ZFAND3: variants seen among roughly 807,000 people sequenced by gnomAD.
ZFAND3 encodes zinc finger AN1-type containing 3.
ZFAND3 carries 10 observed loss-of-function variants against 29.6 expected under a neutral mutation model. The ratio of observed to expected loss-of-function variants is 0.34; its 90% confidence interval spans 0.21 to 0.57. The LOEUF (loss-of-function observed/expected upper bound fraction) is 0.57. Ranked by LOEUF, ZFAND3 falls within the 20% of genes least tolerant of loss-of-function variation. The pLI is 0.86. For synonymous variants in ZFAND3, 128 were observed against 112.6 expected, an observed-to-expected ratio of 1.14 and a Z score of -0.87; for missense variants, 230 against 304.5, an observed-to-expected ratio of 0.76 and a Z score of 1.82.
intron 5 of ZFAND3, among the ~76,000 whole-genome samples, chr6:38,149,716 T>C (rs1766183517): frequency 6.6e-6 from 1 of 152,160 alleles, no homozygotes; most frequent in South Asian, 2.1e-4. Flanking sequence ...GGGCCAGATG[T>C]AGCATTTCCC....
intron 2 of ZFAND3, among the ~76,000 whole-genome samples, chr6:38,059,975 G>A (rs1211984685): frequency 6.6e-6 from 1 of 152,154 alleles, no homozygotes; most frequent in African/African-American, 2.4e-5. Flanking sequence ...ATCGTCCCCT[G>A]TAGGAAATTT....
chr6:38,063,683 G>T (rs1021953110), intron 3 of ZFAND3, among the ~76,000 whole-genome samples: 7 of 152,158 alleles, frequency 4.6e-5, no homozygotes, highest in African/African-American at 2.4e-5. Context: ...CTGTCTTAGG[G>T]CCATTTGTGG....
chr6:38,040,133 G>A (rs1024551232), intron 2 of ZFAND3, among the ~76,000 whole-genome samples: 5 of 151,802 alleles, frequency 3.3e-5, no homozygotes, highest in Admixed American at 6.6e-5. Flanking sequence ...ACTTTTTTTC[G>A]TTGTCTGTAT....
rs1554166608 is a variant in ZFAND3, at chr6:38,006,677, T to TTTA, written c.113-54916_113-54915insTTA. Reference sequence around the variant, plus strand: ...AGGGTTTTTTTTTTTTTTTTTTTTTTAATTGATGGTTTTGGCTCAAGCTTT... The same window carrying TTTA: ...AGGGTTTTTTTTTTTTTTTTTTTTTTTTAAATTGATGGTTTTGGCTCAAGCTTT... On this transcript the variant is annotated intron_variant, in intron 2 of 5. Coordinates refer to ENST00000287218, the MANE Select transcript of ZFAND3 (RefSeq NM_021943.3). Among the ~76,000 whole-genome samples the TTTA allele has an allele frequency of 4.3e-5, 6 of 141,146 alleles. 2 individuals are homozygous for TTTA. Among genetic ancestry groups the TTTA allele is most frequent in the South Asian group, 2.2e-4 (1 of 4,486 alleles). The allele number at this position is 141,146 out of a possible 152,430, so 92.6% of individuals were successfully genotyped here.
At chr6:38,086,441 T>G (rs1292984319) in intron 4 of ZFAND3, among the ~76,000 whole-genome samples, 1 of 152,210 alleles carries the variant, frequency 6.6e-6, no homozygotes, top group Non-Finnish European at 1.5e-5. Flanking sequence ...TGCTTTTGGT[T>G]AGAATGTGTG....
intron 2 of ZFAND3, among the ~76,000 whole-genome samples, chr6:38,034,867 T>G (rs1228445746): frequency 1.3e-5 from 2 of 152,076 alleles, no homozygotes; most frequent in Non-Finnish European, 2.9e-5. Context: ...TCATACCACT[T>G]CCCAAAAAGG....
intron 2 of ZFAND3, among the ~76,000 whole-genome samples, chr6:37,957,432 C>G (rs1192628292): frequency 6.6e-6 from 1 of 151,698 alleles, no homozygotes; most frequent in African/African-American, 2.4e-5. Context: ...TGATAACCTG[C>G]TTTACAGTAG....
intron 2 of ZFAND3, among the ~76,000 whole-genome samples, chr6:37,933,002 T>C (rs1165855785): frequency 1.3e-5 from 2 of 152,232 alleles, no homozygotes; most frequent in Admixed American, 6.5e-5. Flanking sequence ...AAAGAGATCA[T>C]TGAACTTTAA....
chr6:37,935,830 T>A (rs1453121441), intron 2 of ZFAND3, among the ~76,000 whole-genome samples: 2 of 152,212 alleles, frequency 1.3e-5, no homozygotes, highest in Non-Finnish European at 2.9e-5. Flanking sequence ...TTTCTTGTGA[T>A]CTTTGTCAGT....
intron 4 of ZFAND3, among the ~76,000 whole-genome samples, chr6:38,098,667 A>AT (rs1029512489): frequency 1.9e-4 from 28 of 150,836 alleles, no homozygotes; most frequent in South Asian, 1.7e-3. Flanking sequence ...TGCCTGGCTA[A>AT]TTTTTTTTTA....
At chr6:38,019,714 A>G (rs1448691959) in intron 2 of ZFAND3, among the ~76,000 whole-genome samples, 1 of 152,082 alleles carries the variant, frequency 6.6e-6, no homozygotes, top group African/African-American at 2.4e-5. Context: ...TTAATATCAA[A>G]ACACCATTTT....
At chr6:38,138,854 C>A (rs905236093) in intron 5 of ZFAND3, among the ~76,000 whole-genome samples, 1 of 152,164 alleles carries the variant, frequency 6.6e-6, no homozygotes, top group African/African-American at 2.4e-5. Flanking sequence ...AGATTCCTAG[C>A]ATTATTCTAG....
intron 1 of ZFAND3, among the ~76,000 whole-genome samples, chr6:37,898,912 T>TA (rs1581744868): frequency 6.6e-6 from 1 of 152,146 alleles, no homozygotes; most frequent in East Asian, 1.9e-4. Flanking sequence ...TTTATTTATT[T>TA]TGAGACGGAG....
At chr6:38,071,445 A>G (rs1476955729) in intron 3 of ZFAND3, among the ~76,000 whole-genome samples, 2 of 152,100 alleles carry the variant, frequency 1.3e-5, no homozygotes, top group African/African-American at 4.8e-5. Flanking sequence ...ATAACCAGTT[A>G]TGCAAAAACC....
rs112956072 is a variant in ZFAND3, at chr6:38,083,430, G to A, written c.361+973G>A. Among the ~76,000 whole-genome samples the A allele has an allele frequency of 4.4e-4, 67 of 152,138 alleles. 1 individual carries two copies. Among genetic ancestry groups the A allele is most frequent in the African/African-American group, 8.4e-4 (35 of 41,510 alleles). On this transcript the variant is annotated intron_variant, in intron 4 of 5. Coordinates refer to ENST00000287218, the MANE Select transcript of ZFAND3 (RefSeq NM_021943.3). ...GCATGTTCTTATCCCTCTTGTGCCC[G>A]GTTCCCAAGCTCCACTAGGTAGAGT... is the stretch of plus-strand genomic sequence containing the variant.
At position 37,883,637 on chromosome 6, in the gene ZFAND3, G is replaced by A. The variant is rs544804885; in HGVS notation, c.72-46322G>A. On this transcript the variant is annotated intron_variant, in intron 1 of 5. Coordinates refer to ENST00000287218, the MANE Select transcript of ZFAND3 (RefSeq NM_021943.3). ...GGCTCACTGCAACCTCTGCCTCCTG[G>A]GTTCAAGCAATTCTCTGCCTCAGCC... Among the ~76,000 whole-genome samples, 4 of 143,788 alleles carry A rather than the reference G, an allele frequency of 2.8e-5. No individual in the cohort carries two copies. In the South Asian group the frequency reaches 8.6e-4, roughly 31 times the overall value. 94.3% of individuals were successfully genotyped at this position (143,788 alleles called of 152,430 possible).
intron 1 of ZFAND3, among the ~76,000 whole-genome samples, chr6:37,852,432 A>G (rs2127379648): frequency 6.6e-6 from 1 of 152,274 alleles, no homozygotes; most frequent in East Asian, 1.9e-4. Context: ...TGTTTGCTTG[A>G]AGATTTTTCT....
intron 1 of ZFAND3, among the ~76,000 whole-genome samples, chr6:37,823,018 T>A (rs1334348607): frequency 6.6e-6 from 1 of 152,106 alleles, no homozygotes; most frequent in East Asian, 1.9e-4. Context: ...CTGAGTGCAG[T>A]GAGGAGCTAC....
rs11448512 is a variant in ZFAND3, at chr6:37,902,737, C to CTTTTT, written c.72-27203_72-27199dup. Among the ~76,000 whole-genome samples, 1,241 of 100,354 alleles carry CTTTTT rather than the reference C, an allele frequency of 0.012. 108 individuals are homozygous for CTTTTT. In the East Asian group the frequency reaches 0.22, roughly 18 times the overall value. 65.8% of individuals were successfully genotyped at this position (100,354 alleles called of 152,430 possible). On this transcript the variant is annotated intron_variant, in intron 1 of 5. Transcript: ENST00000287218. ...TGCAGCAGCAAGCTTCTTTTACTTA[C>CTTTTT]TTTTTTTTTTTTTTTTTTTTTTTAA...
Sources: allele counts gnomAD v4.1 joint callset (sites outside exome capture counted in the v4.1 genomes callset), GRCh38; gene constraint gnomAD v4.1.1; transcripts MANE v1.5; gene names NCBI Gene and HGNC (gene_info 2026-07-23, HGNC 2026-07-21).